ARID4B: variants seen among roughly 807,000 people sequenced by gnomAD.
ARID4B encodes the protein AT-rich interactive domain-containing protein 4B.
Under a neutral mutation model 147.5 loss-of-function variants are expected in ARID4B, and 26 were observed. That is an observed-to-expected ratio of 0.18 (90% confidence interval 0.13 to 0.24). ARID4B has a LOEUF of 0.24. Among genes scored for constraint, ARID4B ranks in the 10% least tolerant of loss-of-function variants. The pLI, the probability that ARID4B is intolerant of heterozygous loss-of-function variation, is 1.00. For missense variants in ARID4B, 1,179 were observed against 1,511.5 expected (o/e 0.78, Z 3.65); for synonymous variants, 512 against 507.9 (o/e 1.01, Z -0.11).
chr1:235,274,018 T>C (rs138585511), intron 2 of ARID4B, among the ~76,000 whole-genome samples: 19 of 152,288 alleles, frequency 1.2e-4, no homozygotes, highest in African/African-American at 3.8e-4. Flanking sequence ...ACATAAAAAG[T>C]AATTGCAGAA....
intron 8 of ARID4B, among the ~76,000 whole-genome samples, chr1:235,236,836 ATATAT>A (rs1668609281): frequency 2.8e-4 from 7 of 24,792 alleles, no homozygotes; most frequent in South Asian, 4.7e-3. Flanking sequence ...TATAAAAAAT[ATATAT>A]ATATATATAT....
chr1:235,304,411 C>A (rs1215402849), intron 2 of ARID4B, among the ~76,000 whole-genome samples: 1 of 152,126 alleles, frequency 6.6e-6, no homozygotes, highest in African/African-American at 2.4e-5. Flanking sequence ...TGAGCACATA[C>A]AAAACAATCT....
chr1:235,317,805 C>G (rs920316948), intron 2 of ARID4B, among the ~76,000 whole-genome samples: 2 of 152,054 alleles, frequency 1.3e-5, no homozygotes, highest in Non-Finnish European at 2.9e-5. Flanking sequence ...GAACAGAGAC[C>G]AATACATAAT....
At chr1:235,214,090 C>G in intron 16 of ARID4B, 64 bp from the exon 17 acceptor site, 1 of 1,516,364 alleles carries the variant, frequency 6.6e-7, no homozygotes. Flanking sequence ...CAGTTCCAAA[C>G]CACATATATT....
chr1:235,246,561 CTTCT>C (rs1669311748), intron 6 of ARID4B, 50 bp from the exon 7 acceptor site: 5 of 1,323,982 alleles, frequency 3.8e-6, no homozygotes, highest in South Asian at 2.4e-5. Context: ...TTGCAAGTGC[CTTCT>C]TTGTTTTAAA....
chr1:235,252,308 C>A (rs1283856061), intron 6 of ARID4B, among the ~76,000 whole-genome samples: 1 of 152,114 alleles, frequency 6.6e-6, no homozygotes, highest in Non-Finnish European at 1.5e-5. Flanking sequence ...TTAGGAAGGG[C>A]AGTCAGGCAA....
chr1:235,300,604 G>A (rs1048465231), intron 2 of ARID4B, among the ~76,000 whole-genome samples: 5 of 152,048 alleles, frequency 3.3e-5, no homozygotes, highest in Non-Finnish European at 7.4e-5. Context: ...ATACAAAGCA[G>A]TACTCAATAA....
In ARID4B at chr1:235,255,267, ATATCTC is replaced by A. The variant is rs1259560390; in HGVS notation, c.274+387_274+392del. ...GATAGATAGATAGATAGATAGATAT[ATATCTC>A]TCTCTCTCTCTCTCTATATATATAT... On this transcript the variant is annotated intron_variant, in intron 5 of 23. Coordinates refer to ENST00000264183, the MANE Select transcript of ARID4B (RefSeq NM_016374.6). Among the ~76,000 whole-genome samples, 27 of 137,238 alleles carry A rather than the reference ATATCTC, an allele frequency of 2.0e-4. 1 individual carries two copies. In the South Asian group the frequency reaches 6.5e-3, roughly 33 times the overall value. 90.0% of individuals were successfully genotyped at this position (137,238 alleles called of 152,430 possible).
intron 2 of ARID4B, among the ~76,000 whole-genome samples, chr1:235,298,949 T>C (rs2103238531): frequency 8.5e-6 from 1 of 117,890 alleles, no homozygotes; most frequent in South Asian, 2.4e-4. Context: ...TTTCATTCAT[T>C]AAAAACTGCA....
chr1:235,175,465 G>A (rs1303396932), intron 21 of ARID4B, 66 bp from the exon 22 acceptor site: 1 of 1,335,470 alleles, frequency 7.5e-7, no homozygotes, highest in Admixed American at 1.9e-5. Flanking sequence ...GATTTTAGTA[G>A]GTAATTTAAA....
chr1:235,194,716 G>T (rs1168395878), intron 18 of ARID4B, among the ~76,000 whole-genome samples: 1 of 152,138 alleles, frequency 6.6e-6, no homozygotes, highest in African/African-American at 2.4e-5. Flanking sequence ...CTACTCGGGA[G>T]GCTGAGGCAG....
intron 2 of ARID4B, among the ~76,000 whole-genome samples, chr1:235,272,635 T>C (rs1260392876): frequency 6.6e-6 from 1 of 152,084 alleles, no homozygotes; most frequent in African/African-American, 2.4e-5. Context: ...TATCTGAGCA[T>C]AGCTTCACAT....
intron 2 of ARID4B, among the ~76,000 whole-genome samples, chr1:235,320,309 GA>G (rs1674736565): frequency 6.6e-6 from 1 of 152,052 alleles, no homozygotes; most frequent in Non-Finnish European, 1.5e-5. Flanking sequence ...CGTCTCAAAA[GA>G]AAAGGAGGGA....
chr1:235,292,997 CTCATTCCT>C (rs374866150), intron 2 of ARID4B, among the ~76,000 whole-genome samples: 74 of 152,260 alleles, frequency 4.9e-4, no homozygotes, highest in African/African-American at 1.7e-3. Context: ...CAATACATTC[CTCATTCCT>C]GTAGAGCCAG....
rs190975460 is a variant in ARID4B at position 235,283,071 on chromosome 1, T to C, written c.7-22319A>G. 4.8e-3 allele frequency among the ~76,000 whole-genome samples: 731 copies of C among 152,324 alleles called. 8 individuals carry two copies. The highest frequency in any genetic ancestry group is 0.017 in the African/African-American group (696 of 41,574). On this transcript the variant is annotated intron_variant, in intron 2 of 23. Transcript: ENST00000264183. ...GATTACAGGCGTGAGCCACCGCACCTGGCCGATACTACTTCATTTTATAAC... is the reference window on the plus strand; with the variant it reads ...GATTACAGGCGTGAGCCACCGCACCCGGCCGATACTACTTCATTTTATAAC...
chr1:235,198,652 GA>G, intron 17 of ARID4B, among the ~76,000 whole-genome samples: 1 of 152,322 alleles, frequency 6.6e-6, no homozygotes, highest in East Asian at 1.9e-4. Flanking sequence ...CTGGATGTCA[GA>G]AAAATGTTAA....
At chr1:235,235,659 C>A (rs1311898611) in intron 8 of ARID4B, among the ~76,000 whole-genome samples, 3 of 151,890 alleles carry the variant, frequency 2.0e-5, no homozygotes, top group African/African-American at 2.4e-5. Context: ...GAAAATACAG[C>A]GATACATTCT....
intron 2 of ARID4B, among the ~76,000 whole-genome samples, chr1:235,311,399 A>T (rs1010962453): frequency 3.7e-5 from 5 of 135,278 alleles, no homozygotes; most frequent in South Asian, 2.4e-4. Flanking sequence ...TAATAATAAT[A>T]ATTCATAGGA....
chr1:235,240,509 A>C (rs755676186), intron 7 of ARID4B, 58 bp from the exon 8 acceptor site: 5 of 1,499,328 alleles, frequency 3.3e-6, no homozygotes, highest in Non-Finnish European at 4.6e-6. Flanking sequence ...TAAGCATGCC[A>C]ATGATGAATA....
Sources: gnomAD v4.1 joint callset for allele counts (sites outside exome capture counted in the v4.1 genomes callset) on GRCh38, gnomAD v4.1.1 for gene constraint, MANE v1.5 for transcripts, NCBI Gene and HGNC (gene_info 2026-07-23, HGNC 2026-07-21) for gene names.